PDGFD: variants seen among roughly 807,000 people sequenced by gnomAD.
PDGFD encodes the protein platelet derived growth factor D, also known as platelet-derived growth factor D.
A neutral mutation model predicts 44.7 loss-of-function variants in PDGFD; 30 were observed. The observed-to-expected ratio is 0.67, with a 90% CI of 0.50 to 0.91. The LOEUF is 0.91. Among genes scored for constraint, PDGFD ranks in the 40% least tolerant of loss-of-function variants. The pLI is 0.00. For missense variants in PDGFD, 445 were observed against 457.8 expected (o/e 0.97, Z 0.25); for synonymous variants, 173 against 168.4 (o/e 1.03, Z -0.21).
chr11:104,093,189 G>A (rs1861234669), intron 1 of PDGFD, among the ~76,000 whole-genome samples: 1 of 152,052 alleles, frequency 6.6e-6, no homozygotes, highest in South Asian at 2.1e-4. Flanking sequence ...GGGAATTCTG[G>A]ATGGTTTCAA....
intron 1 of PDGFD, among the ~76,000 whole-genome samples, chr11:104,013,556 G>A (rs1859815430): frequency 6.6e-6 from 1 of 152,086 alleles, no homozygotes; most frequent in African/African-American, 2.4e-5. Flanking sequence ...CAGGACTGTT[G>A]CAAGTCCTGT....
chr11:103,938,722 A>C (rs1173757974), intron 5 of PDGFD, among the ~76,000 whole-genome samples: 3 of 152,116 alleles, frequency 2.0e-5, no homozygotes, highest in African/African-American at 7.2e-5. Context: ...ATCTTGAATT[A>C]ATTTTTGTAT....
At chr11:103,948,780 T>C (rs1039047088) in intron 3 of PDGFD, among the ~76,000 whole-genome samples, 2 of 152,112 alleles carry the variant, frequency 1.3e-5, no homozygotes, top group Non-Finnish European at 2.9e-5. Flanking sequence ...TTGGTTATGA[T>C]GAGGCTGGTT....
intron 1 of PDGFD, among the ~76,000 whole-genome samples, chr11:104,152,747 G>A (rs964804449): frequency 3.9e-5 from 6 of 151,950 alleles, no homozygotes; most frequent in African/African-American, 1.2e-4. Flanking sequence ...CCCAAAATAT[G>A]CTATGTCCAA....
intron 1 of PDGFD, among the ~76,000 whole-genome samples, chr11:104,010,344 C>G (rs1859764743): frequency 6.6e-6 from 1 of 151,796 alleles, no homozygotes; most frequent in Non-Finnish European, 1.5e-5. Flanking sequence ...GAATCTGAGT[C>G]CACCAAAAAA....
chr11:103,980,895 C>A (rs1384376612), intron 3 of PDGFD, among the ~76,000 whole-genome samples: 1 of 152,030 alleles, frequency 6.6e-6, no homozygotes, highest in Non-Finnish European at 1.5e-5. Context: ...ATCTCAGACT[C>A]TCAGCCTCCA....
At chr11:104,112,872 G>C (rs1861579905) in intron 1 of PDGFD, among the ~76,000 whole-genome samples, 1 of 152,014 alleles carries the variant, frequency 6.6e-6, no homozygotes, top group African/African-American at 2.4e-5. Context: ...GCTTTTCTGA[G>C]GGTAGAGGGT....
rs368097765 is a variant in PDGFD at position 104,090,294 on chromosome 11, T to G, written c.124+73510A>C. 2.0e-3 allele frequency among the ~76,000 whole-genome samples: 294 copies of G among 148,338 alleles called. 1 individual carries two copies. The highest frequency in any genetic ancestry group is 7.0e-3 in the African/African-American group (281 of 39,970). ...ACTTCCAACAAAAATTCAGCATATA[T>G]AAGATCTCTTTTAGTGCTTGGTAAA... On this transcript the variant is annotated intron_variant, in intron 1 of 6. Transcript: ENST00000393158.
intron 3 of PDGFD, among the ~76,000 whole-genome samples, chr11:103,968,653 T>C (rs143091543): frequency 9.1e-4 from 139 of 152,336 alleles, no homozygotes; most frequent in African/African-American, 2.9e-3. Flanking sequence ...TGGATTGCTA[T>C]GACAGCCTCC....
At chr11:104,017,929 T>C (rs1859884275) in intron 1 of PDGFD, among the ~76,000 whole-genome samples, 1 of 152,202 alleles carries the variant, frequency 6.6e-6, no homozygotes, top group African/African-American at 2.4e-5. Context: ...CCAGAAAGAT[T>C]TGAAAATCTA....
intron 3 of PDGFD, among the ~76,000 whole-genome samples, chr11:103,952,862 A>G (rs1045685553): frequency 6.6e-6 from 1 of 152,174 alleles, no homozygotes; most frequent in African/African-American, 2.4e-5. Context: ...GGCATTTTGA[A>G]ACAAAGCTCC....
intron 3 of PDGFD, 54 bp from the exon 4 acceptor site, chr11:103,947,778 T>A (rs1012884851): frequency 1.1e-5 from 14 of 1,296,688 alleles, no homozygotes; most frequent in Non-Finnish European, 1.5e-5. Flanking sequence ...CAATTCATTA[T>A]GTGCACAGTT....
At chr11:104,119,636 A>G (rs1302649060) in intron 1 of PDGFD, among the ~76,000 whole-genome samples, 1 of 49,786 alleles carries the variant, frequency 2.0e-5, no homozygotes, top group Non-Finnish European at 3.6e-5. Flanking sequence ...ATATTAATAT[A>G]TAATATATTA....
rs79825996 is a variant in PDGFD, at chr11:103,980,256, T to C, written c.510+15809A>G. On this transcript the variant is annotated intron_variant, in intron 3 of 6. Coordinates refer to ENST00000393158, the MANE Select transcript of PDGFD (RefSeq NM_025208.5). ...CGGAGTGCTTCTGGCCTTGAATAGCTATGCATTTTAGACACTTGGCTTGTG... is the reference window on the plus strand; with the variant it reads ...CGGAGTGCTTCTGGCCTTGAATAGCCATGCATTTTAGACACTTGGCTTGTG... 8.3e-3 allele frequency among the ~76,000 whole-genome samples: 1,257 copies of C among 152,242 alleles called. 60 individuals are homozygous for C. In the East Asian group the frequency reaches 0.12, roughly 14 times the overall value.
chr11:103,910,908 A>G (rs527851942), intron 6 of PDGFD, among the ~76,000 whole-genome samples: 2 of 152,266 alleles, frequency 1.3e-5, no homozygotes, highest in Non-Finnish European at 2.9e-5. Context: ...GGCGTCTGCC[A>G]TTGCTGAGGC....
chr11:103,933,054 G>A (rs1401797021), intron 5 of PDGFD, among the ~76,000 whole-genome samples: 1 of 152,154 alleles, frequency 6.6e-6, no homozygotes, highest in Non-Finnish European at 1.5e-5. Flanking sequence ...TGAGAAGACT[G>A]GTTCTCAGAT....
chr11:104,088,621 G>T (rs1861168084), intron 1 of PDGFD, among the ~76,000 whole-genome samples: 1 of 152,134 alleles, frequency 6.6e-6, no homozygotes, highest in Non-Finnish European at 1.5e-5. Flanking sequence ...GAGGAACTTT[G>T]CCTGAGTAAC....
intron 1 of PDGFD, among the ~76,000 whole-genome samples, chr11:104,016,709 C>T (rs748871153): frequency 3.3e-5 from 5 of 152,140 alleles, no homozygotes; most frequent in Admixed American, 1.3e-4. Flanking sequence ...CCTGAGTGTA[C>T]GAATGCTACT....
chr11:104,087,137 C>A (rs930920294), intron 1 of PDGFD, among the ~76,000 whole-genome samples: 1 of 147,474 alleles, frequency 6.8e-6, no homozygotes, highest in Non-Finnish European at 1.5e-5. Flanking sequence ...GAAGTGATTC[C>A]CCTGCCTCAG....
Sources: allele counts gnomAD v4.1 joint callset (sites outside exome capture counted in the v4.1 genomes callset), GRCh38; gene constraint gnomAD v4.1.1; transcripts MANE v1.5; gene names NCBI Gene and HGNC (gene_info 2026-07-23, HGNC 2026-07-21).